N4BP2L2: variants seen among roughly 807,000 people sequenced by gnomAD.
The protein encoded by N4BP2L2 is NEDD4 binding protein 2 like 2.
Under a neutral mutation model 56.2 loss-of-function variants are expected in N4BP2L2, and 50 were observed. The observed-to-expected ratio is 0.89, with a 90% confidence interval of 0.71 to 1.13. The LOEUF (loss-of-function observed/expected upper bound fraction) is 1.13. Among genes scored for constraint, N4BP2L2 ranks in the 50% most tolerant of loss-of-function variants. The pLI is 0.00. For synonymous variants in N4BP2L2, 203 were observed against 223.6 expected, an observed-to-expected ratio of 0.91 and a Z score of 0.82; for missense variants, 689 against 693.8, an observed-to-expected ratio of 0.99 and a Z score of 0.08.
intron 6 of N4BP2L2, among the ~76,000 whole-genome samples, chr13:32,455,276 A>G (rs530919938): frequency 6.6e-6 from 1 of 152,282 alleles, no homozygotes; most frequent in South Asian, 2.1e-4. Context: ...ACCCTGGGGC[A>G]TGCGCAGTGT....
chr13:32,480,508 A>G (rs1246777292), intron 6 of N4BP2L2: 1 of 776,496 alleles, frequency 1.3e-6, no homozygotes, highest in Non-Finnish European at 1.8e-6. Context: ...TCAACAATAA[A>G]GAGACTTTTT....
At chr13:32,520,501 A>G (rs2050538206) in intron 5 of N4BP2L2, among the ~76,000 whole-genome samples, 1 of 152,002 alleles carries the variant, frequency 6.6e-6, no homozygotes. Context: ...TACTAAAAAT[A>G]CAAAAAAATT....
In N4BP2L2 at chr13:32,535,234, T is replaced by C. The variant is rs1413495549; in HGVS notation, c.1259+535A>G. Among the ~76,000 whole-genome samples the C allele has an allele frequency of 3.3e-5, 5 of 152,342 alleles. No homozygotes were observed. In the South Asian group the frequency reaches 1.0e-3, roughly 32 times the overall value. ...ACTGAGTCAATACCCAAATTTTCTC[T>C]TTTTCTCACCTCCAACTGAACTTGA... is the stretch of plus-strand genomic sequence containing the variant. On this transcript the variant is annotated intron_variant, in intron 2 of 5. Coordinates refer to ENST00000267068, the Ensembl canonical transcript of N4BP2L2.
exon 6 of N4BP2L2, chr13:32,515,423 T>A (rs898428845): frequency 6.6e-6 from 1 of 152,118 alleles, no homozygotes; most frequent in Non-Finnish European, 1.5e-5. Context: ...CCAGCCCACG[T>A]AGCAGGACAA....
At chr13:32,487,135 T>C (rs1353418252) in intron 6 of N4BP2L2, among the ~76,000 whole-genome samples, 2 of 152,148 alleles carry the variant, frequency 1.3e-5, no homozygotes, top group Non-Finnish European at 2.9e-5. Context: ...CAGACCTGCC[T>C]AGGTAACATG....
At chr13:32,526,671 T>TA (rs1445302628) in intron 3 of N4BP2L2, among the ~76,000 whole-genome samples, 17 of 152,212 alleles carry the variant, frequency 1.1e-4, no homozygotes, top group Admixed American at 1.1e-3. Context: ...TGTATTTACT[T>TA]ATAGTTCAGA....
Position 32,445,176 on chromosome 13 carries a change from G to A in N4BP2L2, c.366-1050C>T, listed in dbSNP as rs140380442. Among the ~76,000 whole-genome samples, 687 of 152,236 alleles carry A rather than the reference G, an allele frequency of 4.5e-3. 5 individuals carry two copies. The highest frequency in any genetic ancestry group is 0.016 in the African/African-American group (658 of 41,530). On this transcript the variant is annotated intron_variant, in intron 6 of 9. Transcript: ENST00000357505. ...AGAGACAGGACAATCACTTGAACCC[G>A]GGAGGCACAGGATGCAGTGAGCCAA...
At chr13:32,527,567 C>T (rs868298400) in intron 2 of N4BP2L2, 35 bp from the exon 3 acceptor site, 1 of 1,601,660 alleles carries the variant, frequency 6.2e-7, no homozygotes, top group Non-Finnish European at 8.5e-7. Context: ...GTGCCATTTA[C>T]AAAATCTATA....
rs2076592497 is a variant in N4BP2L2, at chr13:32,443,076, CCTTTT to C, written c.1411_1415del (p.Lys471GlufsTer13). The C allele has an allele frequency of 1.2e-6, 2 of 1,606,716 alleles. No individual in the cohort carries two copies. Among genetic ancestry groups the C allele is most frequent in the South Asian group, 1.1e-5 (1 of 88,788 alleles). ...CCAAATTGAAAATCCTTTTCTTCCT[CCTTTT>C]CTTATTTTTTGTTGATTCTAAGGCA... On this transcript the variant is annotated frameshift_variant, in exon 7 of 10. Coordinates refer to the N4BP2L2 transcript ENST00000357505. LOFTEE classifies it high-confidence loss of function.
At chr13:32,460,936 T>TAG (rs960931589) in intron 6 of N4BP2L2, among the ~76,000 whole-genome samples, 1 of 152,034 alleles carries the variant, frequency 6.6e-6, no homozygotes, top group Non-Finnish European at 1.5e-5. Context: ...TAGAACAGAA[T>TAG]AGAGATCCCA....
chr13:32,482,072 A>G (rs2084873303), intron 6 of N4BP2L2, among the ~76,000 whole-genome samples: 1 of 152,218 alleles, frequency 6.6e-6, no homozygotes, highest in South Asian at 2.1e-4. Flanking sequence ...AATGAACACC[A>G]TTGGCTTATG....
In N4BP2L2 at chr13:32,536,694, C is replaced by T. The variant is rs149614093; in HGVS notation, c.334G>A (p.Ala112Thr). Residue 112 changes from alanine (A) to threonine (T), a missense_variant, in exon 2 of 6, where the codon GCA becomes ACA. Ala to Thr is a moderately conservative substitution (Grantham distance 58). Coordinates refer to ENST00000267068, the Ensembl canonical transcript of N4BP2L2. The stretch of plus-strand genomic sequence containing the variant: ...CTTGTGCTATATATCTCATCGTCTG[C>T]GGATACTAATGGAGGACGTGCTTCC... 4.7e-4 allele frequency: 758 copies of T among 1,614,042 alleles called. 5 individuals are homozygous for T. In the African/African-American group the frequency reaches 9.0e-3, roughly 19 times the overall value.
chr13:32,535,985 T>G (rs200632002), exon 2 of N4BP2L2: 36 of 1,613,898 alleles, frequency 2.2e-5, no homozygotes, highest in Non-Finnish European at 2.5e-6. Context: ...TCCAGAGGGA[T>G]GAACACTACT....
intron 6 of N4BP2L2, among the ~76,000 whole-genome samples, chr13:32,447,025 G>A (rs183682204): frequency 6.6e-6 from 1 of 152,014 alleles, no homozygotes; most frequent in East Asian, 1.9e-4. Flanking sequence ...ACTGCCTCTC[G>A]ATTTAAAGAG....
At chr13:32,461,568 C>T (rs547734718) in intron 6 of N4BP2L2, among the ~76,000 whole-genome samples, 1 of 152,140 alleles carries the variant, frequency 6.6e-6, no homozygotes, top group South Asian at 2.1e-4. Flanking sequence ...AATATCAAAA[C>T]CACAATGAGA....
chr13:32,538,756 G>C (rs944731636), exon 1 of N4BP2L2: 7 of 985,324 alleles, frequency 7.1e-6, no homozygotes, highest in Non-Finnish European at 8.4e-6. Context: ...CCACCTCTCA[G>C]AATCGCGGTA....
chr13:32,534,062 A>G (rs1425444024), intron 2 of N4BP2L2, among the ~76,000 whole-genome samples: 1 of 152,152 alleles, frequency 6.6e-6, no homozygotes, highest in Non-Finnish European at 1.5e-5. Context: ...TAACTTCCAA[A>G]TCACTTAACC....
At chr13:32,487,255 C>A (rs1403216525) in intron 6 of N4BP2L2, among the ~76,000 whole-genome samples, 1 of 151,894 alleles carries the variant, frequency 6.6e-6, no homozygotes, top group Non-Finnish European at 1.5e-5. Context: ...AAGAGGATTG[C>A]TTGAGCCCAG....
At chr13:32,511,034 A>C (rs941144099) in exon 6 of N4BP2L2, 3 of 152,172 alleles carry the variant, frequency 2.0e-5, no homozygotes, top group African/African-American at 7.2e-5. Flanking sequence ...CAGTAGATAC[A>C]TGTCTAACAT....
Sources: allele counts gnomAD v4.1 joint callset (sites outside exome capture counted in the v4.1 genomes callset), GRCh38; gene constraint gnomAD v4.1.1; transcripts MANE v1.5; gene names NCBI Gene and HGNC (gene_info 2026-07-23, HGNC 2026-07-21).